Variants in PLA2G4E observed in about 807,000 individuals in gnomAD.
PLA2G4E encodes cytosolic phospholipase A2 epsilon.
In PLA2G4E, 84 loss-of-function variants were observed where a neutral mutation model predicts 109.1. That is an observed-to-expected ratio of 0.77 (90% CI 0.65 to 0.92). The LOEUF (loss-of-function observed/expected upper bound fraction) is 0.92, where lower values mean the gene tolerates loss of function less well. PLA2G4E is among the 40% of genes least tolerant of loss of function. PLA2G4E has a pLI of 0.00. For missense variants in PLA2G4E, 1,057 were observed against 1,076.6 expected, an observed-to-expected ratio of 0.98 and a Z score of 0.25; for synonymous variants, 469 against 436.1, an observed-to-expected ratio of 1.08 and a Z score of -0.94.
intron 1 of PLA2G4E, among the ~76,000 whole-genome samples, chr15:42,024,927 G>A (rs138186178): frequency 4.3e-4 from 66 of 152,270 alleles, no homozygotes; most frequent in African/African-American, 1.5e-3. Context: ...GGAGCCAGGC[G>A]CGGTGGCTCA....
chr15:42,012,527 G>T (rs1030908639), intron 2 of PLA2G4E, among the ~76,000 whole-genome samples: 1 of 152,146 alleles, frequency 6.6e-6, no homozygotes, highest in Non-Finnish European at 1.5e-5. Flanking sequence ...AGGTGCTCAG[G>T]GGGTGTGGCT....
intron 1 of PLA2G4E, among the ~76,000 whole-genome samples, chr15:42,034,614 G>A (rs1889174700): frequency 6.6e-6 from 1 of 152,144 alleles, no homozygotes. Flanking sequence ...ATTGGTTCAG[G>A]AACAATTAAA....
exon 1 of PLA2G4E, chr15:42,050,652 C>G (rs1889490728): frequency 6.4e-7 from 1 of 1,550,626 alleles, no homozygotes; most frequent in African/African-American, 1.4e-5. Flanking sequence ...CTCTGTGGGA[C>G]AAACACATTA....
chr15:42,006,104 A>G (rs1235276076), exon 4 of PLA2G4E: 11 of 1,613,700 alleles, frequency 6.8e-6, no homozygotes, highest in African/African-American at 2.7e-5. Flanking sequence ...CATCACAGAC[A>G]CTCAACTCTA....
chr15:42,036,675 G>T (rs1309392973), intron 1 of PLA2G4E, among the ~76,000 whole-genome samples: 1 of 152,150 alleles, frequency 6.6e-6, no homozygotes, highest in African/African-American at 2.4e-5. Context: ...TAGCCGTGTC[G>T]CCCCTGCCCT....
chr15:41,987,004 G>A, intron 17 of PLA2G4E, 168 bp downstream of exon 17: 1 of 683,716 alleles, frequency 1.5e-6, no homozygotes, highest in South Asian at 1.9e-5. Flanking sequence ...CACATACAGT[G>A]TTCAAGACGA....
At chr15:42,001,454 G>A (rs1195725067) in intron 6 of PLA2G4E, among the ~76,000 whole-genome samples, 2 of 152,140 alleles carry the variant, frequency 1.3e-5, no homozygotes, top group African/African-American at 2.4e-5. Context: ...TAGGACCCAC[G>A]GTCACAGTTT....
intron 2 of PLA2G4E, chr15:42,010,131 G>GCCCCCCCCCCCCCCCCCCCCCCTCC (rs758613773): frequency 2.3e-6 from 1 of 440,596 alleles, no homozygotes; most frequent in African/African-American, 3.0e-5. Flanking sequence ...CCAGAACACT[G>GCCCCCCCCCCCCCCCCCCCCCCTCC]GCCCCCCCAC....
chr15:42,029,461 G>T (rs1889077512), intron 1 of PLA2G4E, among the ~76,000 whole-genome samples: 1 of 152,098 alleles, frequency 6.6e-6, no homozygotes, highest in Non-Finnish European at 1.5e-5. Context: ...AAAACTTGTG[G>T]CCTCTGGTTT....
intron 2 of PLA2G4E, among the ~76,000 whole-genome samples, chr15:42,013,080 G>C (rs966110962): frequency 2.0e-5 from 3 of 152,194 alleles, no homozygotes; most frequent in Non-Finnish European, 2.9e-5. Flanking sequence ...TCTGGGATGA[G>C]GGGGGAGGTT....
At chr15:42,023,203 C>G (rs12909362) in intron 1 of PLA2G4E, among the ~76,000 whole-genome samples, 23,087 of 151,658 alleles carry the variant, frequency 0.15, 2,021 homozygotes, top group Middle Eastern at 0.22. Flanking sequence ...AAGAACAAAT[C>G]TGGAAAACAC....
chr15:41,988,225 C>A, intron 15 of PLA2G4E, 69 bp from the exon 16 acceptor site: 2 of 1,119,978 alleles, frequency 1.8e-6, no homozygotes, highest in South Asian at 1.4e-5. Context: ...ATTTGATTCC[C>A]CACTCCCCCC....
chr15:41,987,160 A>G lies in PLA2G4E; in HGVS notation c.2035+12T>C. ...TGGAGGCAGGCCTCAAGGAGTAGCCAGGTAGGGTTACCTTTCCACCTAGAG... is the reference window on the plus strand; with the variant it reads ...TGGAGGCAGGCCTCAAGGAGTAGCCGGGTAGGGTTACCTTTCCACCTAGAG... On this transcript the variant is annotated intron_variant, in intron 17 of 19. Transcript: ENST00000399518. 6.2e-7 allele frequency: 1 copy of G among 1,608,382 alleles called. No individual in the cohort carries two copies. Among genetic ancestry groups the G allele is most frequent in the Non-Finnish European group, 8.5e-7 (1 of 1,174,844 alleles).
At chr15:42,024,248 C>G (rs1368679222) in intron 1 of PLA2G4E, among the ~76,000 whole-genome samples, 2 of 152,224 alleles carry the variant, frequency 1.3e-5, no homozygotes, top group African/African-American at 4.8e-5. Context: ...AAGCAGCAAT[C>G]TTGGTACACA....
At chr15:42,008,331 C>T (rs560677899) in intron 2 of PLA2G4E, among the ~76,000 whole-genome samples, 31 of 152,300 alleles carry the variant, frequency 2.0e-4, no homozygotes, top group Non-Finnish European at 4.0e-4. Context: ...TGCTGTGAGT[C>T]GGCCAAGAGG....
intron 1 of PLA2G4E, among the ~76,000 whole-genome samples, chr15:42,026,982 A>AAAAAG (rs1555388258): frequency 0.018 from 2,660 of 151,222 alleles, 106 homozygotes; most frequent in African/African-American, 0.062. Context: ...CAAAAAAAAA[A>AAAAAG]AAAGAAAGAA....
Position 42,002,645 on chromosome 15 carries a change from G to T in PLA2G4E, c.609+9C>A. 6.3e-7 allele frequency: 1 copy of T among 1,581,812 alleles called. No homozygotes were observed. On this transcript the variant is annotated intron_variant, in intron 6 of 19. Transcript: ENST00000399518. The stretch of plus-strand genomic sequence containing the variant: ...CTCTGGAGCTACAGGAACCCAGGAA[G>T]ATAATTACCACCAGCACGCCATTGG...
At chr15:41,984,455 G>T in exon 19 of PLA2G4E, 1 of 1,613,314 alleles carries the variant, frequency 6.2e-7, no homozygotes, top group Non-Finnish European at 8.5e-7. Context: ...TGTATTTTCG[G>T]AAAGTGTCAT....
At chr15:41,994,507 C>T (rs964701562) in intron 12 of PLA2G4E, among the ~76,000 whole-genome samples, 1 of 151,950 alleles carries the variant, frequency 6.6e-6, no homozygotes, top group Non-Finnish European at 1.5e-5. Flanking sequence ...TGATGGGCCC[C>T]ACAAAAAATG....
Sources: allele counts gnomAD v4.1 joint callset (sites outside exome capture counted in the v4.1 genomes callset), GRCh38; gene constraint gnomAD v4.1.1; transcripts MANE v1.5; gene names NCBI Gene and HGNC (gene_info 2026-07-23, HGNC 2026-07-21).